EZH1: variants seen among roughly 807,000 people sequenced by gnomAD.
EZH1 encodes enhancer of zeste 1 polycomb repressive complex 2 subunit, also known as histone-lysine N-methyltransferase EZH1.
A neutral mutation model predicts 100.5 loss-of-function variants in EZH1; 33 were observed. That is an observed-to-expected ratio of 0.33 (90% CI 0.25 to 0.44). The LOEUF (loss-of-function observed/expected upper bound fraction) is 0.44, where lower values mean the gene tolerates loss of function less well. Ranked by LOEUF, EZH1 falls within the 20% of genes least tolerant of loss-of-function variation. The pLI is 1.00. For synonymous variants in EZH1, 272 were observed against 313.8 expected, an observed-to-expected ratio of 0.87 and a Z score of 1.41; for missense variants, 475 against 928.4, an observed-to-expected ratio of 0.51 and a Z score of 6.35.
intron 1 of EZH1, among the ~76,000 whole-genome samples, chr17:42,737,419 G>A (rs1263530444): frequency 1.3e-5 from 2 of 152,160 alleles, no homozygotes; most frequent in African/African-American, 4.8e-5. Context: ...TGGACAACAT[G>A]GTGAGATCCC....
At chr17:42,703,458 G>T in intron 19 of EZH1, 1 of 397,544 alleles carries the variant, frequency 2.5e-6, no homozygotes. Context: ...GATTACAGGC[G>T]TAAGCCACCA....
In EZH1 at chr17:42,703,752, A is replaced by G. The variant is rs2053293002; in HGVS notation, c.2086T>C (p.Cys696Arg). The G allele has an allele frequency of 6.2e-7, 1 of 1,613,854 alleles. No individual in the cohort carries two copies. Among genetic ancestry groups the G allele is most frequent in the Admixed American group, 1.7e-5 (1 of 59,998 alleles). The change falls in exon 19 of 21, where the codon TGT becomes CGT. Residue 696 changes from cysteine to arginine, a missense_variant. Around this residue, in one of 8 missense-constraint regions of EZH1, gnomAD observed 49 missense variants for 164.2 expected, o/e 0.30. Coordinates refer to ENST00000428826, the MANE Select transcript of EZH1 (RefSeq NM_001991.5). ...RFANHSVNPN[C>R]YAKVVMVNGD... ...TACTGGGACTCACCTTTGGCATAAC[A>G]GTTGGGATTCACTGAATGATTTGCA...
At chr17:42,725,544 G>A (rs1401521057) in intron 4 of EZH1, among the ~76,000 whole-genome samples, 1 of 151,404 alleles carries the variant, frequency 6.6e-6, no homozygotes, top group Non-Finnish European at 1.5e-5. Context: ...GCCTCCCAAA[G>A]TGCTGGGATT....
chr17:42,709,798 G>C, intron 13 of EZH1, 48 bp downstream of exon 13: 1 of 1,578,230 alleles, frequency 6.3e-7, no homozygotes, highest in Non-Finnish European at 8.7e-7. Context: ...TCAGAGCACA[G>C]GGAACAGCCT....
At chr17:42,742,734 C>T (rs1487254832) in intron 1 of EZH1, among the ~76,000 whole-genome samples, 4 of 152,070 alleles carry the variant, frequency 2.6e-5, no homozygotes, top group African/African-American at 9.7e-5. Flanking sequence ...AACATATATC[C>T]CTGCCTTTGG....
intron 17 of EZH1, 72 bp from the exon 18 acceptor site, chr17:42,704,755 A>C: frequency 8.2e-7 from 1 of 1,220,262 alleles, no homozygotes; most frequent in Non-Finnish European, 1.2e-6. Flanking sequence ...TGCCCCCAGA[A>C]AGGGCTGGGT....
At chr17:42,707,702 A>C (rs1335915790) in intron 15 of EZH1, among the ~76,000 whole-genome samples, 1 of 152,076 alleles carries the variant, frequency 6.6e-6, no homozygotes, top group Non-Finnish European at 1.5e-5. Flanking sequence ...ACATTTCTTA[A>C]TTCTCCCCTA....
chr17:42,725,208 C>G (rs111652402), intron 4 of EZH1, among the ~76,000 whole-genome samples: 7,435 of 151,958 alleles, frequency 0.049, 524 homozygotes, highest in African/African-American at 0.15. Flanking sequence ...TTAATAAATT[C>G]AGAGTTTTGT....
intron 7 of EZH1, 73 bp from the exon 8 acceptor site, chr17:42,719,280 T>C (rs1388635498): frequency 8.3e-7 from 1 of 1,197,638 alleles, no homozygotes. Flanking sequence ...TGATCTTTTT[T>C]CCTTTTGTCA....
intron 18 of EZH1, among the ~76,000 whole-genome samples, 200 bp downstream of exon 18, chr17:42,704,402 A>T (rs1187538040): frequency 6.6e-6 from 1 of 152,068 alleles, no homozygotes; most frequent in Non-Finnish European, 1.5e-5. Flanking sequence ...TTAGCCGGGC[A>T]TGGTGGCAGG....
At chr17:42,705,289 C>T in intron 16 of EZH1, 106 bp from the exon 17 acceptor site, 3 of 637,682 alleles carry the variant, frequency 4.7e-6, no homozygotes, top group Non-Finnish European at 8.5e-6. Context: ...GAACCAGCAA[C>T]TGTTAAGAGG....
chr17:42,741,918 T>TGAAC (rs2054183706), intron 1 of EZH1, among the ~76,000 whole-genome samples: 2 of 151,776 alleles, frequency 1.3e-5, no homozygotes, highest in Admixed American at 1.3e-4. Flanking sequence ...CTCACACTTC[T>TGAAC]GAACTCAAGT....
rs187509786 is a variant in EZH1, at chr17:42,717,894, C to A, written c.1023+82G>T. The A allele has an allele frequency of 5.0e-3, 6,124 of 1,225,100 alleles. 31 individuals carry two copies. Among genetic ancestry groups the A allele is most frequent in the Non-Finnish European group, 6.5e-3 (5,385 of 833,024 alleles). The allele number at this position is 1,225,100 out of a possible 1,614,324, so 75.9% of individuals were successfully genotyped here. On this transcript the variant is annotated intron_variant, in intron 10 of 20. Transcript: ENST00000428826. ...GCCATGTTTTATTTGTGCTATATGA[C>A]CCCCAGAGTGCTGTGTACTGGCTCA...
At chr17:42,705,927 A>C (rs2053344264) in intron 16 of EZH1, 80 bp downstream of exon 16, 1 of 1,355,662 alleles carries the variant, frequency 7.4e-7, no homozygotes, top group African/African-American at 1.5e-5. Context: ...CAAAAGAACC[A>C]GTGGAAAGAG....
chr17:42,728,984 T>C (rs1006467148), intron 2 of EZH1, 32 bp from the exon 3 acceptor site: 2 of 1,557,344 alleles, frequency 1.3e-6, no homozygotes, highest in African/African-American at 2.8e-5. Context: ...AATAGCATTT[T>C]ATTGCCTGGA....
chr17:42,743,295 C>A (rs1409362354), intron 1 of EZH1, among the ~76,000 whole-genome samples: 5 of 151,784 alleles, frequency 3.3e-5, no homozygotes, highest in Non-Finnish European at 7.4e-5. Context: ...TCAGCCCTCC[C>A]GAGTAGCTGG....
Position 42,706,144 on chromosome 17 carries a change from T to C in EZH1, c.1702A>G (p.Asn568Asp). ...FPGCRCKTQC[N>D]TKQCPCYLAV... Reference sequence around the variant, plus strand: ...AGATAGCAAGGACATTGCTTGGTATTGCACTGGGTCTTACAGCGACAGCCA... The same window carrying C: ...AGATAGCAAGGACATTGCTTGGTATCGCACTGGGTCTTACAGCGACAGCCA... Residue 568 changes from asparagine to aspartate, a missense_variant, in exon 16 of 21, where the codon AAT (asparagine) becomes GAT (aspartate). Transcript: ENST00000428826. The surrounding 1 kb of genome is among the most constrained non-coding windows in gnomAD (Gnocchi z 4.4). The C allele has an allele frequency of 6.2e-7, 1 of 1,613,864 alleles. No homozygotes were observed. The highest frequency in any genetic ancestry group is 8.5e-7 in the Non-Finnish European group (1 of 1,179,848).
chr17:42,715,176 A>T (rs1323874664), intron 10 of EZH1, among the ~76,000 whole-genome samples: 4 of 139,420 alleles, frequency 2.9e-5, no homozygotes, highest in Non-Finnish European at 6.1e-5. Flanking sequence ...ATTTATATAT[A>T]ATATATATCA....
chr17:42,722,628 A>T (rs1193970005), intron 6 of EZH1, among the ~76,000 whole-genome samples, 167 bp downstream of exon 6: 1 of 142,770 alleles, frequency 7.0e-6, no homozygotes, highest in African/African-American at 2.7e-5. Flanking sequence ...TCCGTCTCAA[A>T]AAAAAAAAAA....
Sources: allele counts gnomAD v4.1 joint callset (sites outside exome capture counted in the v4.1 genomes callset), GRCh38; gene constraint gnomAD v4.1.1; regional missense constraint gnomAD v4.1.1; non-coding constraint Gnocchi (gnomAD v3.1); transcripts MANE v1.5; gene names NCBI Gene and HGNC (gene_info 2026-07-23, HGNC 2026-07-21).